ARHGAP22: variants seen among roughly 807,000 people sequenced by gnomAD.
The protein encoded by ARHGAP22 is rho GTPase-activating protein 22.
A neutral mutation model predicts 59.1 loss-of-function variants in ARHGAP22; 48 were observed. That is an observed-to-expected ratio of 0.81 (90% confidence interval 0.64 to 1.03). The LOEUF is 1.03. Ranked by LOEUF, ARHGAP22 falls within the 50% of genes least tolerant of loss-of-function variation. ARHGAP22 has a pLI of 0.00. For missense variants in ARHGAP22, 1,015 were observed against 958.7 expected (o/e 1.06, Z -0.78); for synonymous variants, 445 against 416.4 (o/e 1.07, Z -0.84).
intron 1 of ARHGAP22, among the ~76,000 whole-genome samples, chr10:48,650,917 C>A (rs1017667659): frequency 1.3e-5 from 2 of 152,146 alleles, no homozygotes; most frequent in African/African-American, 4.8e-5. Flanking sequence ...GTCTGCAGCA[C>A]GAGGCCGGCC....
intron 2 of ARHGAP22, among the ~76,000 whole-genome samples, chr10:48,576,584 C>G (rs2058724874): frequency 6.6e-6 from 1 of 152,086 alleles, no homozygotes; most frequent in African/African-American, 2.4e-5. Flanking sequence ...CTCAAAATCT[C>G]AAAAATAAAT....
chr10:48,582,904 G>C (rs2059203159), intron 2 of ARHGAP22, 49 bp downstream of exon 2: 1 of 1,599,650 alleles, frequency 6.3e-7, no homozygotes, highest in African/African-American at 1.3e-5. Flanking sequence ...CTTCCCTCTT[G>C]TGGAGCCCTG....
chr10:48,582,827 T>C, intron 2 of ARHGAP22, 126 bp downstream of exon 2: 2 of 1,137,630 alleles, frequency 1.8e-6, no homozygotes, highest in South Asian at 3.1e-5. Context: ...ACTTTGGAAA[T>C]CCTGGCAAAA....
chr10:48,537,689 C>T (rs1257156420), intron 3 of ARHGAP22, among the ~76,000 whole-genome samples: 1 of 152,236 alleles, frequency 6.6e-6, no homozygotes, highest in Non-Finnish European at 1.5e-5. Flanking sequence ...GCAGCAGGTC[C>T]TCTCCTCGGT....
intron 1 of ARHGAP22, among the ~76,000 whole-genome samples, chr10:48,642,156 T>G (rs1230635398): frequency 6.6e-6 from 1 of 152,102 alleles, no homozygotes; most frequent in Non-Finnish European, 1.5e-5. Flanking sequence ...AAAATGGCCA[T>G]ACTGCCCAAG....
chr10:48,588,208 G>T (rs2059544374), intron 1 of ARHGAP22, among the ~76,000 whole-genome samples: 1 of 151,786 alleles, frequency 6.6e-6, no homozygotes, highest in South Asian at 2.1e-4. Flanking sequence ...TAGGCAGGAA[G>T]CTCTGGGTGG....
At chr10:48,508,668 C>T (rs139311721) in intron 3 of ARHGAP22, among the ~76,000 whole-genome samples, 45 of 152,362 alleles carry the variant, frequency 3.0e-4, no homozygotes, top group African/African-American at 1.1e-3. Context: ...TAGCCACACC[C>T]GCATCCTGCA....
At chr10:48,641,696 G>A (rs2062052899) in intron 1 of ARHGAP22, among the ~76,000 whole-genome samples, 1 of 152,216 alleles carries the variant, frequency 6.6e-6, no homozygotes, top group African/African-American at 2.4e-5. Context: ...AGACAGGGAT[G>A]CCCTCTCTCA....
the ARHGAP22 span, among the ~76,000 whole-genome samples, chr10:48,440,877 G>T: frequency 6.6e-6 from 1 of 152,194 alleles, no homozygotes; most frequent in Non-Finnish European, 1.5e-5. Context: ...TGAGAGAAGG[G>T]AAGAAAGGGA....
In ARHGAP22 at chr10:48,450,238, G is replaced by A. The variant is rs1257727669; in HGVS notation, c.1868+23C>T. The A allele has an allele frequency of 1.9e-6, 3 of 1,604,308 alleles. No homozygotes were observed. The African/African-American group carries it at 4.0e-5, about 21-fold the overall frequency. On this transcript the variant is annotated intron_variant, in intron 9 of 9. Coordinates refer to ENST00000249601, the MANE Select transcript of ARHGAP22 (RefSeq NM_021226.4). Reference sequence around the variant, plus strand: ...CTGCAGGCTCCGCCCCGTCACAGGAGGCTCCACGGGGCAGCAAGTTACCTT... The same window carrying A: ...CTGCAGGCTCCGCCCCGTCACAGGAAGCTCCACGGGGCAGCAAGTTACCTT...
chr10:48,502,946 G>C (rs184594824), intron 3 of ARHGAP22, among the ~76,000 whole-genome samples: 1 of 152,310 alleles, frequency 6.6e-6, no homozygotes, highest in African/African-American at 2.4e-5. Context: ...GGGCCTACTG[G>C]GGTCAGGGAT....
intron 2 of ARHGAP22, among the ~76,000 whole-genome samples, chr10:48,564,011 C>T (rs1377710929): frequency 2.0e-5 from 3 of 152,150 alleles, no homozygotes; most frequent in African/African-American, 4.8e-5. Context: ...TTTAAAAGGA[C>T]GGTCAGTACT....
At chr10:48,484,429 C>T (rs2049657310) in intron 3 of ARHGAP22, among the ~76,000 whole-genome samples, 1 of 152,190 alleles carries the variant, frequency 6.6e-6, no homozygotes, top group Non-Finnish European at 1.5e-5. Context: ...TATGTATCTT[C>T]ATGAGGGATA....
chr10:48,553,914 CT>C (rs766624010), intron 3 of ARHGAP22, among the ~76,000 whole-genome samples: 2 of 152,156 alleles, frequency 1.3e-5, no homozygotes, highest in Non-Finnish European at 2.9e-5. Context: ...GTCACTACCC[CT>C]GTCCCCAGAG....
At position 48,451,072 on chromosome 10, in the gene ARHGAP22, C is replaced by A; in HGVS notation, c.1057G>T (p.Val353Phe). ...CGCGGGGAGGTGGGCCCTTCCGGGA[C>A]CGGTGCCGTGAAGAGCTGGCTGTGT... The part of the protein sequence containing the change: ...RKHSQLFTAP[V>F]PEGPTSPRGG... The change falls in exon 9 of 10, where the codon GTC (valine) becomes TTC (phenylalanine). Residue 353 changes from valine (V) to phenylalanine (F), a missense_variant. Transcript: ENST00000249601. The A allele has an allele frequency of 1.9e-6, 3 of 1,552,548 alleles. No individual in the cohort carries two copies. The highest frequency in any genetic ancestry group is 2.6e-6 in the Non-Finnish European group (3 of 1,147,932).
chr10:48,463,594 C>T (rs1468333518), intron 4 of ARHGAP22, among the ~76,000 whole-genome samples: 1 of 152,160 alleles, frequency 6.6e-6, no homozygotes, highest in East Asian at 1.9e-4. Flanking sequence ...GTGGGTAGGG[C>T]CTTCTCCCTG....
At chr10:48,543,435 C>T (rs2056151786) in intron 3 of ARHGAP22, among the ~76,000 whole-genome samples, 1 of 152,118 alleles carries the variant, frequency 6.6e-6, no homozygotes, top group Admixed American at 6.5e-5. Context: ...CCACTCTGCT[C>T]AGGACCAGCT....
At chr10:48,502,868 T>C (rs1455454783) in intron 3 of ARHGAP22, among the ~76,000 whole-genome samples, 1 of 152,238 alleles carries the variant, frequency 6.6e-6, no homozygotes, top group Non-Finnish European at 1.5e-5. Flanking sequence ...AGTGGCCCGG[T>C]AGCGGAGACA....
Position 48,446,338 on chromosome 10 carries a change from T to C in ARHGAP22, c.*53A>G, listed in dbSNP as rs1212857276. Reference sequence around the variant, plus strand: ...AGAGATACAGACGCTTCTAACTCCATACAAGGCTGGAGACCAGCAGACGTG... The same window carrying C: ...AGAGATACAGACGCTTCTAACTCCACACAAGGCTGGAGACCAGCAGACGTG... On this transcript the variant is annotated 3_prime_UTR_variant, in exon 10 of 10. Transcript: ENST00000249601. 3.8e-6 allele frequency: 6 copies of C among 1,594,696 alleles called. No individual in the cohort carries two copies. In the East Asian group the frequency reaches 8.9e-5, roughly 24 times the overall value.
Sources: gnomAD v4.1 joint callset for allele counts (sites outside exome capture counted in the v4.1 genomes callset) on GRCh38, gnomAD v4.1.1 for gene constraint, MANE v1.5 for transcripts, NCBI Gene and HGNC (gene_info 2026-07-23, HGNC 2026-07-21) for gene names.